GPC6: variants seen among roughly 807,000 people sequenced by gnomAD.
The protein encoded by GPC6 is glypican 6.
A neutral mutation model predicts 55.2 loss-of-function variants in GPC6; 14 were observed. That is an observed-to-expected ratio of 0.25 (90% confidence interval 0.17 to 0.40). The LOEUF is 0.40. Ranked by LOEUF, GPC6 falls within the 10% of genes least tolerant of loss-of-function variation. The pLI, the probability that GPC6 is intolerant of heterozygous loss-of-function variation, is 1.00. For missense variants in GPC6, 641 were observed against 708.5 expected (o/e 0.90, Z 1.08); for synonymous variants, 278 against 259.6 (o/e 1.07, Z -0.68).
At chr13:93,543,591 A>C (rs1056411685) in intron 1 of GPC6, among the ~76,000 whole-genome samples, 1 of 152,134 alleles carries the variant, frequency 6.6e-6, no homozygotes, top group Non-Finnish European at 1.5e-5. Context: ...ATAGTTTCAG[A>C]AGGAATGGTA....
At chr13:93,926,189 G>A (rs1877847482) in intron 3 of GPC6, among the ~76,000 whole-genome samples, 1 of 152,122 alleles carries the variant, frequency 6.6e-6, no homozygotes. Context: ...CAGATGCAGT[G>A]TGAAAGGGGC....
chr13:94,060,048 T>G (rs1220341639), intron 4 of GPC6, among the ~76,000 whole-genome samples: 2 of 152,132 alleles, frequency 1.3e-5, no homozygotes, highest in East Asian at 3.9e-4. Context: ...CTCTTTGGTT[T>G]TCAAATTTAT....
chr13:94,371,685 G>A (rs1179048349), intron 6 of GPC6, among the ~76,000 whole-genome samples: 2 of 152,072 alleles, frequency 1.3e-5, no homozygotes, highest in African/African-American at 2.4e-5. Context: ...ACAAAGTCTT[G>A]TCTCTTTCCC....
chr13:93,935,896 C>T (rs952653883), intron 3 of GPC6, among the ~76,000 whole-genome samples: 5 of 152,204 alleles, frequency 3.3e-5, no homozygotes, highest in Non-Finnish European at 7.3e-5. Context: ...CCAGCTGTAA[C>T]TATGCAGAAT....
chr13:94,206,613 G>C (rs920134009), intron 4 of GPC6, among the ~76,000 whole-genome samples: 1 of 152,064 alleles, frequency 6.6e-6, no homozygotes, highest in Non-Finnish European at 1.5e-5. Context: ...TAGTGTGTTG[G>C]GAGGCTGAGG....
intron 1 of GPC6, among the ~76,000 whole-genome samples, chr13:93,427,118 A>T (rs1205572485): frequency 6.6e-6 from 1 of 150,476 alleles, no homozygotes; most frequent in Non-Finnish European, 1.5e-5. Context: ...GTTTGAGTTC[A>T]TTGTAGATTC....
At chr13:93,496,180 C>T (rs1403493237) in intron 1 of GPC6, among the ~76,000 whole-genome samples, 2 of 152,032 alleles carry the variant, frequency 1.3e-5, no homozygotes, top group East Asian at 1.9e-4. Flanking sequence ...AGCGAGAGTC[C>T]GTGGGCGTAG....
intron 4 of GPC6, among the ~76,000 whole-genome samples, chr13:94,148,469 T>G (rs930895965): frequency 6.6e-6 from 1 of 152,128 alleles, no homozygotes; most frequent in Non-Finnish European, 1.5e-5. Flanking sequence ...ATTATAGAAG[T>G]AAAATAAGTT....
chr13:94,058,239 T>C (rs555309405), intron 4 of GPC6, among the ~76,000 whole-genome samples: 8 of 152,328 alleles, frequency 5.3e-5, no homozygotes, highest in African/African-American at 1.9e-4. Context: ...GAATGGAAAG[T>C]TGGGACATAC....
At chr13:93,703,938 T>G (rs1274605350) in intron 2 of GPC6, among the ~76,000 whole-genome samples, 1 of 152,024 alleles carries the variant, frequency 6.6e-6, no homozygotes, top group African/African-American at 2.4e-5. Context: ...GAGCTGGCTT[T>G]GTAATGATGA....
chr13:93,986,407 A>G (rs1881032940), intron 3 of GPC6, among the ~76,000 whole-genome samples: 1 of 152,196 alleles, frequency 6.6e-6, no homozygotes. Context: ...GGAAAGTTTC[A>G]TCTGAACAAA....
intron 4 of GPC6, among the ~76,000 whole-genome samples, chr13:94,116,996 G>T (rs182620835): frequency 1.7e-3 from 259 of 152,072 alleles, no homozygotes; most frequent in African/African-American, 6.0e-3. Flanking sequence ...CCCAAATACA[G>T]TACTATGTTT....
intron 4 of GPC6, among the ~76,000 whole-genome samples, chr13:94,058,290 A>G (rs1884201109): frequency 6.6e-6 from 1 of 152,068 alleles, no homozygotes; most frequent in African/African-American, 2.4e-5. Flanking sequence ...CTGGCCTTCT[A>G]TTTTTTCCAT....
chr13:94,110,832 T>C (rs1287963640), intron 4 of GPC6, among the ~76,000 whole-genome samples: 1 of 152,172 alleles, frequency 6.6e-6, no homozygotes, highest in East Asian at 1.9e-4. Flanking sequence ...TATTCGACAG[T>C]ACATTTCTCT....
At chr13:93,913,652 C>T (rs1006476229) in intron 3 of GPC6, among the ~76,000 whole-genome samples, 3 of 152,088 alleles carry the variant, frequency 2.0e-5, no homozygotes. Context: ...GGGAATTAAA[C>T]TATTGTGCAT....
At chr13:93,979,809 T>G (rs534173297) in intron 3 of GPC6, among the ~76,000 whole-genome samples, 1 of 152,092 alleles carries the variant, frequency 6.6e-6, no homozygotes, top group Admixed American at 6.6e-5. Context: ...TATAGAGAAC[T>G]AGAAATCAGA....
At chr13:93,231,109 A>T (rs947161709) in intron 1 of GPC6, among the ~76,000 whole-genome samples, 1 of 151,496 alleles carries the variant, frequency 6.6e-6, no homozygotes, top group African/African-American at 2.4e-5. Context: ...CATTAACCCC[A>T]TTTTATAGAT....
At chr13:94,384,674 C>T (rs1234206431) in intron 7 of GPC6, among the ~76,000 whole-genome samples, 1 of 152,230 alleles carries the variant, frequency 6.6e-6, no homozygotes, top group Non-Finnish European at 1.5e-5. Flanking sequence ...ACAAGTTCCT[C>T]ATTGTGCAGA....
intron 3 of GPC6, among the ~76,000 whole-genome samples, chr13:93,960,620 C>A (rs1879723768): frequency 6.6e-6 from 1 of 152,092 alleles, no homozygotes; most frequent in African/African-American, 2.4e-5. Context: ...CTTGGGGGAG[C>A]ATCTCTAAAC....
Sources: gnomAD v4.1 joint callset for allele counts (sites outside exome capture counted in the v4.1 genomes callset) on GRCh38, gnomAD v4.1.1 for gene constraint, MANE v1.5 for transcripts, NCBI Gene and HGNC (gene_info 2026-07-23, HGNC 2026-07-21) for gene names.